Variants in GRM7 observed in about 807,000 individuals in gnomAD.
GRM7 encodes the protein metabotropic glutamate receptor 7.
A neutral mutation model predicts 84.5 loss-of-function variants in GRM7; 35 were observed. The ratio of observed to expected loss-of-function variants is 0.41; its 90% CI spans 0.32 to 0.55. The LOEUF is 0.55. GRM7 is among the 20% of genes least tolerant of loss of function. GRM7 has a pLI of 0.19. For missense variants in GRM7, 1,003 were observed against 1,194.6 expected (o/e 0.84, Z 2.36); for synonymous variants, 487 against 455.1 (o/e 1.07, Z -0.89).
At chr3:7,380,739 A>G (rs142640843) in intron 4 of GRM7, among the ~76,000 whole-genome samples, 4 of 152,156 alleles carry the variant, frequency 2.6e-5, no homozygotes, top group African/African-American at 9.6e-5. Context: ...CAAAGTTAAA[A>G]CTCAAGGAAT....
intron 2 of GRM7, among the ~76,000 whole-genome samples, chr3:7,280,670 T>A (rs1699223048): frequency 6.6e-6 from 1 of 152,222 alleles, no homozygotes; most frequent in Non-Finnish European, 1.5e-5. Context: ...AGAAAAGTGT[T>A]TGCAGTACGT....
intron 8 of GRM7, among the ~76,000 whole-genome samples, chr3:7,641,661 A>G (rs895557121): frequency 3.3e-5 from 5 of 152,186 alleles, no homozygotes; most frequent in African/African-American, 9.7e-5. Flanking sequence ...ATGTACAGCC[A>G]AGGCTAATAA....
chr3:7,456,946 A>G (rs887901785), intron 6 of GRM7, among the ~76,000 whole-genome samples: 4 of 152,108 alleles, frequency 2.6e-5, no homozygotes, highest in South Asian at 2.1e-4. Flanking sequence ...TACTCATTCA[A>G]TTTTCTGACT....
intron 7 of GRM7, among the ~76,000 whole-genome samples, chr3:7,499,823 G>C (rs1394031601): frequency 6.7e-6 from 1 of 149,752 alleles, no homozygotes; most frequent in Non-Finnish European, 1.5e-5. Context: ...CGCCCAGGCT[G>C]GAGTGCAGTG....
intron 2 of GRM7, among the ~76,000 whole-genome samples, chr3:7,261,902 C>CTCCCTCCCTCCCTTCCTCCCTTGCT (rs1698439804): frequency 1.2e-5 from 1 of 82,852 alleles, no homozygotes; most frequent in Non-Finnish European, 2.2e-5. Flanking sequence ...CCCTCCCTCC[C>CTCCCTCCCTCCCTTCCTCCCTTGCT]TCCCTCCCTC....
intron 2 of GRM7, among the ~76,000 whole-genome samples, chr3:7,214,821 A>T (rs577894659): frequency 6.6e-6 from 1 of 152,306 alleles, no homozygotes; most frequent in East Asian, 1.9e-4. Context: ...TGGCCTCATT[A>T]TCTGAGCATG....
chr3:7,457,452 T>C (rs1698066836), intron 6 of GRM7, among the ~76,000 whole-genome samples: 1 of 152,180 alleles, frequency 6.6e-6, no homozygotes, highest in Non-Finnish European at 1.5e-5. Flanking sequence ...TAAATTTAAG[T>C]AATTTGGTGT....
chr3:7,000,632 C>G (rs1234191319), intron 1 of GRM7, among the ~76,000 whole-genome samples: 1 of 152,206 alleles, frequency 6.6e-6, no homozygotes, highest in African/African-American at 2.4e-5. Flanking sequence ...TGAAGAATCC[C>G]CAGATCTTAG....
chr3:6,890,990 C>T (rs2124982715), intron 1 of GRM7, among the ~76,000 whole-genome samples: 1 of 152,158 alleles, frequency 6.6e-6, no homozygotes, highest in Admixed American at 6.5e-5. Flanking sequence ...TATGTAATGG[C>T]CTTCTTTGTG....
At chr3:7,558,408 C>A (rs565214086) in intron 7 of GRM7, among the ~76,000 whole-genome samples, 1 of 152,092 alleles carries the variant, frequency 6.6e-6, no homozygotes, top group South Asian at 2.1e-4. Context: ...CCAAGTAAAA[C>A]ACTAACCTAG....
At position 7,284,536 on chromosome 3, in the gene GRM7, A is replaced by G. The variant is rs1035773551; in HGVS notation, c.737-14148A>G. On this transcript the variant is annotated intron_variant, in intron 2 of 9. Coordinates refer to ENST00000357716, the MANE Select transcript of GRM7 (RefSeq NM_000844.4). ...TTATCGCAATGTAGATTTAATCAACATTCAGTAGAGCACTGGGTAAGAAAC... is the reference window on the plus strand; with the variant it reads ...TTATCGCAATGTAGATTTAATCAACGTTCAGTAGAGCACTGGGTAAGAAAC... Among the ~76,000 whole-genome samples, 9 of 152,302 alleles carry G rather than the reference A, an allele frequency of 5.9e-5. No homozygotes were observed. The South Asian group carries it at 1.9e-3, about 32-fold the overall frequency.
At chr3:6,917,771 A>T (rs1321691050) in intron 1 of GRM7, among the ~76,000 whole-genome samples, 3 of 152,158 alleles carry the variant, frequency 2.0e-5, no homozygotes, top group Admixed American at 6.5e-5. Flanking sequence ...CTGGCAGATG[A>T]AGTTCAGAAA....
At chr3:7,731,308 G>A (rs1175648282) in intron 9 of GRM7, among the ~76,000 whole-genome samples, 2 of 151,934 alleles carry the variant, frequency 1.3e-5, no homozygotes, top group East Asian at 3.9e-4. Flanking sequence ...AAAAGGGATG[G>A]AAAAAAAGGA....
chr3:6,939,155 A>C (rs1697799430), intron 1 of GRM7, among the ~76,000 whole-genome samples: 1 of 152,224 alleles, frequency 6.6e-6, no homozygotes, highest in Non-Finnish European at 1.5e-5. Context: ...GATATGAGAA[A>C]ACTCCAGCTC....
chr3:7,228,489 G>C (rs1697056158), intron 2 of GRM7, among the ~76,000 whole-genome samples: 1 of 152,110 alleles, frequency 6.6e-6, no homozygotes, highest in Non-Finnish European at 1.5e-5. Context: ...TTGGGTCCTG[G>C]CTTAAGGAAC....
intron 4 of GRM7, among the ~76,000 whole-genome samples, chr3:7,346,525 AG>A (rs1352687255): frequency 6.6e-6 from 1 of 152,146 alleles, no homozygotes; most frequent in Non-Finnish European, 1.5e-5. Context: ...ATCATATTCC[AG>A]GGGGATGCAA....
chr3:7,573,207 T>C (rs902754718), intron 7 of GRM7, among the ~76,000 whole-genome samples: 15 of 152,170 alleles, frequency 9.9e-5, no homozygotes, highest in South Asian at 2.1e-4. Flanking sequence ...GCCTTTTTTT[T>C]CTATCAATTA....
intron 4 of GRM7, among the ~76,000 whole-genome samples, chr3:7,385,331 C>A (rs974925757): frequency 8.4e-6 from 1 of 118,894 alleles, no homozygotes; most frequent in Admixed American, 1.2e-4. Context: ...GACAGAGTCT[C>A]GCTCTGTCGC....
chr3:7,033,368 TA>T (rs1253370340), intron 1 of GRM7, among the ~76,000 whole-genome samples: 4 of 152,164 alleles, frequency 2.6e-5, no homozygotes, highest in Non-Finnish European at 5.9e-5. Flanking sequence ...ACAATATATA[TA>T]AAATTATTTT....
Sources: allele counts gnomAD v4.1 joint callset (sites outside exome capture counted in the v4.1 genomes callset), GRCh38; gene constraint gnomAD v4.1.1; transcripts MANE v1.5; gene names NCBI Gene and HGNC (gene_info 2026-07-23, HGNC 2026-07-21).